Variants in IL27RA observed in about 807,000 individuals in gnomAD.
IL27RA encodes the protein interleukin-27 receptor subunit alpha.
A neutral mutation model predicts 80.8 loss-of-function variants in IL27RA; 61 were observed. That is an observed-to-expected ratio of 0.76 (90% CI 0.61 to 0.93). The LOEUF is 0.93. Among genes scored for constraint, IL27RA ranks in the 40% least tolerant of loss-of-function variants. IL27RA has a pLI of 0.00. For missense variants in IL27RA, 735 were observed against 808.1 expected, an observed-to-expected ratio of 0.91 and a Z score of 1.10; for synonymous variants, 316 against 332.5, an observed-to-expected ratio of 0.95 and a Z score of 0.54.
At chr19:14,050,623 C>T in intron 10 of IL27RA, 135 bp from the exon 11 acceptor site, 1 of 870,562 alleles carries the variant, frequency 1.1e-6, no homozygotes, top group African/African-American at 1.7e-5. Flanking sequence ...GACCTTTGAG[C>T]AAAGACCTAA....
chr19:14,046,045 A>C (rs1976059954), intron 6 of IL27RA, 109 bp from the exon 7 acceptor site: 1 of 1,094,950 alleles, frequency 9.1e-7, no homozygotes, highest in Non-Finnish European at 1.3e-6. Flanking sequence ...ACAAACAAAC[A>C]AACAAAAAAT....
At chr19:14,038,243 A>G (rs1284989145) in intron 2 of IL27RA, among the ~76,000 whole-genome samples, 2 of 151,914 alleles carry the variant, frequency 1.3e-5, no homozygotes, top group African/African-American at 2.4e-5. Flanking sequence ...CCTGGGCTCA[A>G]TCGATCCTCC....
At chr19:14,042,068 G>A (rs974945692) in intron 4 of IL27RA, among the ~76,000 whole-genome samples, 10 of 152,024 alleles carry the variant, frequency 6.6e-5, no homozygotes, top group African/African-American at 1.9e-4. Flanking sequence ...GCATGGTGGC[G>A]CGTGCCTGTA....
At position 14,050,792 on chromosome 19, in the gene IL27RA, C is replaced by T. The variant is rs1261406360; in HGVS notation, c.1437C>T (p.Asp479=). 5 of 1,613,570 alleles carry T rather than the reference C, an allele frequency of 3.1e-6. No homozygotes were observed. Among genetic ancestry groups the T allele is most frequent in the Admixed American group, 1.7e-5 (1 of 59,982 alleles). The change falls in exon 11 of 14, where the codon GAC becomes GAT. Residue 479 remains aspartate, a synonymous_variant. Coordinates refer to ENST00000263379, the MANE Select transcript of IL27RA (RefSeq NM_004843.4). The part of the protein sequence containing the change: ...SGNTQSVTLP[D]LPWGPCELWV... ...ACACACAGAGTGTCACCCTGCCTGA[C>T]CTTCCTTGGGGTCCCTGTGAGCTGT...
At position 14,050,901 on chromosome 19, in the gene IL27RA, G is replaced by T; in HGVS notation, c.1528+18G>T. 6.3e-7 allele frequency: 1 copy of T among 1,598,168 alleles called. No homozygotes were observed. Reference sequence around the variant, plus strand: ...TCTACCAGGTAGGGGGGTTGGGATGGGATTGCCACAGGGAGGGGATGTACT... The same window carrying T: ...TCTACCAGGTAGGGGGGTTGGGATGTGATTGCCACAGGGAGGGGATGTACT... On this transcript the variant is annotated intron_variant, in intron 11 of 13. Transcript: ENST00000263379.
chr19:14,035,203 C>G (rs1975880363), intron 2 of IL27RA, among the ~76,000 whole-genome samples: 1 of 151,948 alleles, frequency 6.6e-6, no homozygotes, highest in South Asian at 2.1e-4. Flanking sequence ...TACCATGTTG[C>G]CCAGACTGCT....
At chr19:14,045,437 T>C (rs1043196452) in intron 6 of IL27RA, among the ~76,000 whole-genome samples, 10 of 148,632 alleles carry the variant, frequency 6.7e-5, no homozygotes, top group African/African-American at 2.0e-4. Context: ...CCGTCTCTAC[T>C]AAAAATACAA....
At chr19:14,046,088 C>T in intron 6 of IL27RA, 66 bp from the exon 7 acceptor site, 1 of 1,466,988 alleles carries the variant, frequency 6.8e-7, no homozygotes, top group Non-Finnish European at 9.3e-7. Context: ...CAGGTGACCT[C>T]AGGGAGACAC....
intron 2 of IL27RA, among the ~76,000 whole-genome samples, chr19:14,035,135 A>G (rs896443907): frequency 6.6e-6 from 1 of 151,468 alleles, no homozygotes; most frequent in African/African-American, 2.4e-5. Context: ...GACTACAGGC[A>G]TGCAACACCA....
intron 10 of IL27RA, among the ~76,000 whole-genome samples, chr19:14,049,894 A>T (rs1976134456): frequency 6.6e-6 from 1 of 151,916 alleles, no homozygotes; most frequent in Non-Finnish European, 1.5e-5. Flanking sequence ...TAATTTTAAA[A>T]ATATATATAG....
At chr19:14,050,015 CT>C (rs2145697003) in intron 10 of IL27RA, among the ~76,000 whole-genome samples, 1 of 151,586 alleles carries the variant, frequency 6.6e-6, no homozygotes, top group African/African-American at 2.4e-5. Flanking sequence ...ATGGTGAAAC[CT>C]CATCTCTACT....
At position 14,046,502 on chromosome 19, in the gene IL27RA, A is replaced by T; in HGVS notation, c.1025A>T (p.Gln342Leu). The change falls in exon 8 of 14, where the codon CAA becomes CTA. Residue 342 changes from glutamine to leucine, a missense_variant. Coordinates refer to ENST00000263379, the MANE Select transcript of IL27RA (RefSeq NM_004843.4). ...AGSTELLVTW[Q>L]PGPGEPLEHV... ...AGCACGGAGCTACTGGTGACCTGGC[A>T]ACCGGGGCCTGGGGAACCACTGGAG... is the stretch of plus-strand genomic sequence containing the variant. The T allele has an allele frequency of 6.2e-7, 1 of 1,614,130 alleles. No homozygotes were observed. Among genetic ancestry groups the T allele is most frequent in the Non-Finnish European group, 8.5e-7 (1 of 1,180,020 alleles).
chr19:14,043,240 A>G (rs990529907), intron 6 of IL27RA, among the ~76,000 whole-genome samples: 2 of 152,032 alleles, frequency 1.3e-5, no homozygotes, highest in Admixed American at 1.3e-4. Flanking sequence ...ATGGGTTGCT[A>G]AAGTGGTCAG....
intron 2 of IL27RA, among the ~76,000 whole-genome samples, chr19:14,038,273 G>A (rs527793918): frequency 6.6e-6 from 1 of 152,078 alleles, no homozygotes; most frequent in East Asian, 1.9e-4. Context: ...CTCTCAAGTA[G>A]TTGGAACCAC....
At chr19:14,032,355 C>T (rs1374796463) in intron 1 of IL27RA, 31 bp from the exon 2 acceptor site, 20 of 1,553,434 alleles carry the variant, frequency 1.3e-5, no homozygotes, top group Admixed American at 3.5e-5. Flanking sequence ...ATTCGACCCC[C>T]TTTCCTGAGA....
intron 2 of IL27RA, among the ~76,000 whole-genome samples, chr19:14,034,612 A>G (rs960751405): frequency 1.3e-5 from 2 of 149,008 alleles, no homozygotes; most frequent in Admixed American, 1.4e-4. Context: ...GTGAGCCAAG[A>G]TCGCGCCACT....
rs776197914 is a variant in IL27RA at position 14,039,881 on chromosome 19, C to G, written c.505C>G (p.Arg169Gly). 9 of 1,614,096 alleles carry G rather than the reference C, an allele frequency of 5.6e-6. No homozygotes were observed. The highest frequency in any genetic ancestry group is 4.4e-5 in the South Asian group (4 of 91,074). Residue 169 changes from arginine (R) to glycine (G), a missense_variant, in exon 4 of 14, where the codon CGA becomes GGA. Arg to Gly is a moderately radical substitution (Grantham distance 125). Coordinates refer to ENST00000263379, the MANE Select transcript of IL27RA (RefSeq NM_004843.4). ...HKVLICQFHYRRCQEAAWTLL... is the reference protein window; with the variant it reads ...HKVLICQFHYGRCQEAAWTLL... ...AGTTCTGATCTGCCAGTTCCACTAC[C>G]GAAGATGTCAGGAGGCGGCCTGGAC...
rs1383861551 is a variant in IL27RA at position 14,051,939 on chromosome 19, C to A, written c.1682C>A (p.Pro561His). ...PRWVWEKVPD[P>H]ANSSSGQPHM... The stretch of plus-strand genomic sequence containing the variant: ...TGGGTCTGGGAGAAAGTTCCTGATC[C>A]TGCCAACAGCAGTTCAGGCCAGCCC... The change falls in exon 13 of 14, where the codon CCT becomes CAT. Residue 561 changes from proline (P) to histidine (H), a missense_variant. Physicochemically the swap from Pro to His is moderately conservative, Grantham distance 77. Coordinates refer to ENST00000263379, the MANE Select transcript of IL27RA (RefSeq NM_004843.4). 3 of 1,589,152 alleles carry A rather than the reference C, an allele frequency of 1.9e-6. No individual in the cohort carries two copies. The highest frequency in any genetic ancestry group is 2.6e-6 in the Non-Finnish European group (3 of 1,166,828).
Position 14,039,599 on chromosome 19 carries a change from C to G in IL27RA, c.310C>G (p.Leu104Val). The change falls in exon 3 of 14, where the codon CTT (leucine) becomes GTT (valine). Residue 104 changes from leucine (L) to valine (V), a missense_variant. Leu to Val is a conservative substitution (Grantham distance 32). Transcript: ENST00000263379. ...REQLTMSDKLLVWGTKAGQPL... is the reference protein window; with the variant it reads ...REQLTMSDKLVVWGTKAGQPL... ...ACAGCTCACCATGTCTGACAAACTC[C>G]TTGTCTGGGGCACTAAGGCAGGCCA... 4 of 1,614,200 alleles carry G rather than the reference C, an allele frequency of 2.5e-6. No homozygotes were observed. In the South Asian group the frequency reaches 4.4e-5, roughly 18 times the overall value.
Sources: gnomAD v4.1 joint callset for allele counts (sites outside exome capture counted in the v4.1 genomes callset) on GRCh38, gnomAD v4.1.1 for gene constraint, MANE v1.5 for transcripts, NCBI Gene and HGNC (gene_info 2026-07-23, HGNC 2026-07-21) for gene names.